PRKCB: variants seen among roughly 807,000 people sequenced by gnomAD.
The protein encoded by PRKCB is protein kinase C beta.
In PRKCB, 13 loss-of-function variants were observed where a neutral mutation model predicts 81.5. The observed-to-expected ratio is 0.16, with a 90% CI of 0.10 to 0.25. The LOEUF (loss-of-function observed/expected upper bound fraction) is 0.25, where lower values mean the gene tolerates loss of function less well. Ranked by LOEUF, PRKCB falls within the 10% of genes least tolerant of loss-of-function variation. The pLI is 1.00. For missense variants in PRKCB, 509 were observed against 875.7 expected (o/e 0.58, Z 5.29); for synonymous variants, 335 against 321.4 (o/e 1.04, Z -0.45).
chr16:23,867,064 CTTTCTTTCTT>C (rs753368521), intron 2 of PRKCB, among the ~76,000 whole-genome samples: 60 of 99,800 alleles, frequency 6.0e-4, no homozygotes, highest in African/African-American at 1.2e-3. Context: ...CTCTCTCTCT[CTTTCTTTCTT>C]TCTCTTTCTT....
At chr16:23,949,688 A>T (rs528902175) in intron 2 of PRKCB, among the ~76,000 whole-genome samples, 1 of 152,234 alleles carries the variant, frequency 6.6e-6, no homozygotes, top group East Asian at 1.9e-4. Flanking sequence ...ACAAGCTGTC[A>T]TAGAGTTTCC....
At chr16:24,051,679 G>A (rs1403820194) in intron 5 of PRKCB, among the ~76,000 whole-genome samples, 1 of 151,956 alleles carries the variant, frequency 6.6e-6, no homozygotes, top group Non-Finnish European at 1.5e-5. Flanking sequence ...TTTGAGACCA[G>A]TCTGGGCAAC....
chr16:24,001,797 A>T (rs1012992568), intron 3 of PRKCB, among the ~76,000 whole-genome samples: 1 of 152,160 alleles, frequency 6.6e-6, no homozygotes, highest in Non-Finnish European at 1.5e-5. Context: ...AATTTTTTTT[A>T]AATGAAAATG....
At chr16:23,936,455 C>T (rs1453971578) in intron 2 of PRKCB, among the ~76,000 whole-genome samples, 11 of 152,120 alleles carry the variant, frequency 7.2e-5, no homozygotes, top group South Asian at 2.1e-4. Flanking sequence ...CGCTCTCACC[C>T]AGGTTGCAGT....
At chr16:23,900,718 GTTTTTTTTTT>G (rs56897816) in intron 2 of PRKCB, among the ~76,000 whole-genome samples, 6 of 62,232 alleles carry the variant, frequency 9.6e-5, no homozygotes, top group South Asian at 9.1e-4. Context: ...AGCTGCACAG[GTTTTTTTTTT>G]TTTTTTTTTT....
chr16:24,182,179 G>T (rs1467233944), intron 13 of PRKCB, among the ~76,000 whole-genome samples: 1 of 152,012 alleles, frequency 6.6e-6, no homozygotes, highest in Non-Finnish European at 1.5e-5. Context: ...ATAATCTCTG[G>T]TTCTCAACTC....
chr16:23,925,727 AC>A (rs1278794801), intron 2 of PRKCB, among the ~76,000 whole-genome samples: 1 of 152,008 alleles, frequency 6.6e-6, no homozygotes, highest in East Asian at 1.9e-4. Flanking sequence ...TATGTCCATC[AC>A]CCAGATAGGG....
intron 2 of PRKCB, among the ~76,000 whole-genome samples, chr16:23,870,438 G>T (rs993045362): frequency 2.9e-4 from 44 of 152,212 alleles, no homozygotes; most frequent in Non-Finnish European, 5.7e-4. Context: ...TGTCAGATAA[G>T]GAAACAGAGG....
chr16:24,032,068 C>A, intron 3 of PRKCB, 68 bp from the exon 4 acceptor site: 1 of 1,145,198 alleles, frequency 8.7e-7, no homozygotes, highest in Non-Finnish European at 1.3e-6. Context: ...CAGTGCCTCT[C>A]GATGTAGGAT....
chr16:24,009,883 T>G (rs1279523823), intron 3 of PRKCB, among the ~76,000 whole-genome samples: 1 of 151,540 alleles, frequency 6.6e-6, no homozygotes, highest in Non-Finnish European at 1.5e-5. Context: ...GGCATGATGG[T>G]TTTTGTATCT....
intron 16 of PRKCB, chr16:24,203,300 C>T (rs1967989301): frequency 6.6e-6 from 1 of 151,852 alleles, no homozygotes; most frequent in Non-Finnish European, 1.5e-5. Context: ...TTATTTGGCT[C>T]ATGGTTCTGG....
At chr16:24,147,044 C>T (rs1967000419) in intron 9 of PRKCB, among the ~76,000 whole-genome samples, 1 of 152,088 alleles carries the variant, frequency 6.6e-6, no homozygotes, top group South Asian at 2.1e-4. Context: ...CGCGGTGGCT[C>T]ATGCCTGTAA....
chr16:24,011,414 C>A (rs1034124733), intron 3 of PRKCB, among the ~76,000 whole-genome samples: 36 of 152,160 alleles, frequency 2.4e-4, no homozygotes, highest in African/African-American at 8.4e-4. Context: ...TGTGGCCTTG[C>A]AAGTTAATAA....
At chr16:24,206,429 T>A (rs1290363223) in intron 16 of PRKCB, among the ~76,000 whole-genome samples, 3 of 152,220 alleles carry the variant, frequency 2.0e-5, no homozygotes, top group Admixed American at 1.3e-4. Context: ...AACCTGAAGG[T>A]GTCCTGGTGT....
chr16:23,974,283 A>G (rs536411841), intron 2 of PRKCB, among the ~76,000 whole-genome samples: 15 of 152,264 alleles, frequency 9.9e-5, no homozygotes, highest in Admixed American at 9.8e-4. Context: ...AGACAGGTGG[A>G]CAGAGAGGTG....
Position 24,008,205 on chromosome 16 carries a change from C to T in PRKCB, c.288+19615C>T, listed in dbSNP as rs571979422. On this transcript the variant is annotated intron_variant, in intron 3 of 16. Transcript: ENST00000643927. Reference sequence around the variant, plus strand: ...CACTTGTGAGAGGTCCAGCTCTAGGCCCTCTGGCCCGTGGGGCTATGCTCT... The same window carrying T: ...CACTTGTGAGAGGTCCAGCTCTAGGTCCTCTGGCCCGTGGGGCTATGCTCT... 1.2e-4 allele frequency among the ~76,000 whole-genome samples: 18 copies of T among 152,324 alleles called. No homozygotes were observed. The East Asian group carries it at 3.5e-3, about 29-fold the overall frequency.
chr16:24,164,139 G>C (rs1967306243), intron 10 of PRKCB, among the ~76,000 whole-genome samples: 1 of 152,168 alleles, frequency 6.6e-6, no homozygotes, highest in South Asian at 2.1e-4. Flanking sequence ...CTGATTAAAA[G>C]TGGCAAGTGT....
chr16:23,909,653 T>A (rs1397183693), intron 2 of PRKCB, among the ~76,000 whole-genome samples: 1 of 152,182 alleles, frequency 6.6e-6, no homozygotes, highest in Non-Finnish European at 1.5e-5. Context: ...CCACACTCTA[T>A]GTCCGTGCAC....
chr16:23,861,598 G>A (rs1040685741), intron 2 of PRKCB, among the ~76,000 whole-genome samples: 1 of 152,204 alleles, frequency 6.6e-6, no homozygotes, highest in African/African-American at 2.4e-5. Flanking sequence ...TCCTCAAAAT[G>A]TGATCAGTGT....
Sources: gnomAD v4.1 joint callset for allele counts (sites outside exome capture counted in the v4.1 genomes callset) on GRCh38, gnomAD v4.1.1 for gene constraint, MANE v1.5 for transcripts, NCBI Gene and HGNC (gene_info 2026-07-23, HGNC 2026-07-21) for gene names.